FOXP2: variants seen among roughly 807,000 people sequenced by gnomAD.
The protein encoded by FOXP2 is forkhead box P2.
Under a neutral mutation model 115.8 loss-of-function variants are expected in FOXP2, and 12 were observed. The observed-to-expected ratio is 0.10, with a 90% confidence interval of 0.07 to 0.17. The LOEUF is 0.17. Ranked by LOEUF, FOXP2 falls within the 10% of genes least tolerant of loss-of-function variation. FOXP2 has a pLI of 1.00. For synonymous variants in FOXP2, 328 were observed against 297.7 expected (o/e 1.10, Z -1.05); for missense variants, 629 against 843.5 (o/e 0.75, Z 3.15).
intron 2 of FOXP2, among the ~76,000 whole-genome samples, chr7:114,332,984 G>A (rs999981823): frequency 6.6e-6 from 1 of 152,108 alleles, no homozygotes; most frequent in Non-Finnish European, 1.5e-5. Flanking sequence ...AGAACGTATG[G>A]AAGATATATT....
At chr7:114,182,808 T>A (rs974309541) in intron 1 of FOXP2, among the ~76,000 whole-genome samples, 4 of 152,082 alleles carry the variant, frequency 2.6e-5, no homozygotes, top group Admixed American at 1.3e-4. Flanking sequence ...CAAGTCTAAT[T>A]TTGATTAGGA....
At position 114,590,331 on chromosome 7, in the gene FOXP2, G is replaced by T. The variant is rs528441091; in HGVS notation, c.259-38209G>T. On this transcript the variant is annotated intron_variant, in intron 3 of 16. Transcript: ENST00000350908. Reference sequence around the variant, plus strand: ...ATAAAAATTTAAAGCCATGATCTTGGTCAAATATTACAGGGAAAAGTCTTG... The same window carrying T: ...ATAAAAATTTAAAGCCATGATCTTGTTCAAATATTACAGGGAAAAGTCTTG... Among the ~76,000 whole-genome samples the T allele has an allele frequency of 9.2e-5, 14 of 152,206 alleles. No homozygotes were observed. The East Asian group carries it at 2.7e-3, about 29-fold the overall frequency.
rs148723294 is a variant in FOXP2 at position 114,556,854 on chromosome 7, C to T, written c.258+22148C>T. Among the ~76,000 whole-genome samples the T allele has an allele frequency of 4.3e-3, 651 of 152,200 alleles. 7 individuals are homozygous for T. Among genetic ancestry groups the T allele is most frequent in the African/African-American group, 0.015 (615 of 41,536 alleles). On this transcript the variant is annotated intron_variant, in intron 3 of 16. Coordinates refer to ENST00000350908, the MANE Select transcript of FOXP2 (RefSeq NM_014491.4). ...TAAAAGTATATCTCTATAAGAATAT[C>T]AGATACAGTGAGATTTCTATTAAGA...
intron 2 of FOXP2, among the ~76,000 whole-genome samples, chr7:114,355,824 G>A (rs890939300): frequency 6.6e-6 from 1 of 152,020 alleles, no homozygotes; most frequent in African/African-American, 2.4e-5. Context: ...TTAGAAAAAC[G>A]CTTTCATACG....
chr7:114,215,376 A>G (rs1305557728), intron 1 of FOXP2, among the ~76,000 whole-genome samples: 4 of 152,164 alleles, frequency 2.6e-5, no homozygotes, highest in Non-Finnish European at 5.9e-5. Context: ...TTCAGTATTT[A>G]CATGATTTTT....
At chr7:114,299,187 CTT>C (rs1281334784) in intron 2 of FOXP2, among the ~76,000 whole-genome samples, 1 of 151,936 alleles carries the variant, frequency 6.6e-6, no homozygotes, top group Non-Finnish European at 1.5e-5. Context: ...ATTCAAGATG[CTT>C]TTGTGAGTAA....
chr7:114,475,515 T>TA (rs1334272916), intron 2 of FOXP2, among the ~76,000 whole-genome samples: 1 of 152,050 alleles, frequency 6.6e-6, no homozygotes, highest in Non-Finnish European at 1.5e-5. Context: ...CAGATAGGCC[T>TA]AGTGGATTTT....
chr7:114,146,655 G>A (rs949509834), intron 1 of FOXP2, among the ~76,000 whole-genome samples: 1 of 152,158 alleles, frequency 6.6e-6, no homozygotes, highest in Non-Finnish European at 1.5e-5. Context: ...CATTATAAAC[G>A]TAAAAAACTT....
chr7:114,435,638 A>G (rs1473844295), intron 2 of FOXP2, among the ~76,000 whole-genome samples: 1 of 152,144 alleles, frequency 6.6e-6, no homozygotes, highest in East Asian at 1.9e-4. Flanking sequence ...CCCAGGTTCA[A>G]GAGATCCTCC....
At chr7:114,284,425 C>A (rs1796415135) in intron 1 of FOXP2, among the ~76,000 whole-genome samples, 1 of 152,140 alleles carries the variant, frequency 6.6e-6, no homozygotes, top group Admixed American at 6.6e-5. Flanking sequence ...TAAGAGAACT[C>A]TAGTTAGCCT....
At chr7:114,258,702 A>C (rs1022112277) in intron 1 of FOXP2, among the ~76,000 whole-genome samples, 4 of 152,202 alleles carry the variant, frequency 2.6e-5, no homozygotes, top group Non-Finnish European at 5.9e-5. Flanking sequence ...TTGATATATA[A>C]ATTTATTTTG....
chr7:114,378,781 A>C (rs1322714728), intron 2 of FOXP2, among the ~76,000 whole-genome samples: 1 of 149,840 alleles, frequency 6.7e-6, no homozygotes, highest in East Asian at 1.9e-4. Context: ...CAAGAATTCT[A>C]CATTTAGAGT....
intron 3 of FOXP2, among the ~76,000 whole-genome samples, chr7:114,537,497 T>G (rs1331372825): frequency 6.6e-6 from 1 of 151,614 alleles, no homozygotes; most frequent in Non-Finnish European, 1.5e-5. Context: ...AATATTCAGT[T>G]GCTTGTTAAC....
chr7:114,310,748 G>C (rs930553056), intron 2 of FOXP2, among the ~76,000 whole-genome samples: 1 of 151,934 alleles, frequency 6.6e-6, no homozygotes, highest in Non-Finnish European at 1.5e-5. Flanking sequence ...TCTCTTTATC[G>C]CCTGTCTTCA....
intron 1 of FOXP2, among the ~76,000 whole-genome samples, chr7:114,177,432 T>A (rs1187736442): frequency 6.6e-6 from 1 of 152,152 alleles, no homozygotes; most frequent in Non-Finnish European, 1.5e-5. Context: ...TGGGTAATAA[T>A]TCATTTGTTT....
chr7:114,272,234 C>G (rs890948072), intron 1 of FOXP2, among the ~76,000 whole-genome samples: 2 of 150,636 alleles, frequency 1.3e-5, no homozygotes, highest in African/African-American at 2.4e-5. Context: ...CTGAGATAAT[C>G]CCACTTGGTA....
intron 2 of FOXP2, among the ~76,000 whole-genome samples, chr7:114,369,502 C>T (rs1791953614): frequency 6.6e-6 from 1 of 151,942 alleles, no homozygotes; most frequent in Non-Finnish European, 1.5e-5. Flanking sequence ...TCTGGTTCTG[C>T]TCAGAGTAAG....
chr7:114,641,183 C>T lies in FOXP2; in HGVS notation c.776-1227C>T, dbSNP rs1289840385. Reference sequence around the variant, plus strand: ...AGTTTGTTTCCTTTTCCATGAATTGCTTAATCATACCAACTCTATTAGTTT... The same window carrying T: ...AGTTTGTTTCCTTTTCCATGAATTGTTTAATCATACCAACTCTATTAGTTT... On this transcript the variant is annotated intron_variant, in intron 6 of 16. Transcript: ENST00000350908. 2.6e-5 allele frequency among the ~76,000 whole-genome samples: 4 copies of T among 152,096 alleles called. No individual in the cohort carries two copies. The East Asian group carries it at 7.7e-4, about 29-fold the overall frequency.
chr7:114,256,933 T>C (rs1795629032), intron 1 of FOXP2, among the ~76,000 whole-genome samples: 1 of 152,214 alleles, frequency 6.6e-6, no homozygotes, highest in African/African-American at 2.4e-5. Flanking sequence ...TTCACAGAAT[T>C]AGAAACATCT....
Sources: gnomAD v4.1 joint callset for allele counts (sites outside exome capture counted in the v4.1 genomes callset) on GRCh38, gnomAD v4.1.1 for gene constraint, MANE v1.5 for transcripts, NCBI Gene and HGNC (gene_info 2026-07-23, HGNC 2026-07-21) for gene names.